YIPF7: variants seen among roughly 807,000 people sequenced by gnomAD.
YIPF7 encodes protein YIPF7.
In YIPF7, 35 loss-of-function variants were observed where a neutral mutation model predicts 27.2. That is an observed-to-expected ratio of 1.29 (90% CI 0.98 to 1.70). YIPF7 has a LOEUF of 1.70. YIPF7 is among the 40% of genes most tolerant of loss of function. YIPF7 has a pLI of 0.00. For missense variants in YIPF7, 358 were observed against 303.7 expected (o/e 1.18, Z -1.33); for synonymous variants, 137 against 110.4 (o/e 1.24, Z -1.51).
At chr4:44,644,143 G>T (rs1450560986) in intron 2 of YIPF7, among the ~76,000 whole-genome samples, 3 of 152,176 alleles carry the variant, frequency 2.0e-5, no homozygotes, top group Non-Finnish European at 4.4e-5. Flanking sequence ...AAGCCACAGG[G>T]TTGATGCTGC....
intron 1 of YIPF7, among the ~76,000 whole-genome samples, chr4:44,661,342 G>A (rs966432106): frequency 6.6e-6 from 1 of 152,130 alleles, no homozygotes; most frequent in Admixed American, 6.5e-5. Context: ...AAACAACAAG[G>A]GTTTTAGAAA....
intron 1 of YIPF7, among the ~76,000 whole-genome samples, chr4:44,661,662 T>C (rs577244898): frequency 8.5e-5 from 13 of 152,318 alleles, no homozygotes; most frequent in African/African-American, 2.9e-4. Context: ...CAGCATAATT[T>C]TTTAATCTTA....
chr4:44,645,576 C>T (rs1307006076), intron 2 of YIPF7, among the ~76,000 whole-genome samples: 1 of 152,172 alleles, frequency 6.6e-6, no homozygotes, highest in Non-Finnish European at 1.5e-5. Context: ...AACTCTTCTC[C>T]TGTATTATGC....
intron 2 of YIPF7, among the ~76,000 whole-genome samples, chr4:44,644,689 C>T (rs1713462639): frequency 6.6e-6 from 1 of 152,060 alleles, no homozygotes; most frequent in Non-Finnish European, 1.5e-5. Context: ...CTTTGGGGAA[C>T]TGTTGGGAAG....
intron 5 of YIPF7, among the ~76,000 whole-genome samples, chr4:44,624,128 C>A (rs546261921): frequency 6.8e-6 from 1 of 147,314 alleles, no homozygotes; most frequent in South Asian, 2.1e-4. Flanking sequence ...TGCAGTGGTG[C>A]GATCTCGGCT....
At chr4:44,648,425 C>T (rs572739817) in intron 2 of YIPF7, among the ~76,000 whole-genome samples, 1 of 152,114 alleles carries the variant, frequency 6.6e-6, no homozygotes, top group Non-Finnish European at 1.5e-5. Flanking sequence ...CCTGTAGTGC[C>T]TAATTCATAT....
At chr4:44,624,896 T>C (rs148043580) in intron 4 of YIPF7, 114 bp from the exon 5 acceptor site, 9 of 941,774 alleles carry the variant, frequency 9.6e-6, no homozygotes, top group Admixed American at 3.1e-5. Context: ...TCCATGTCTT[T>C]GTAGGACTGT....
chr4:44,623,473 T>C (rs564618154), intron 5 of YIPF7, among the ~76,000 whole-genome samples: 1 of 152,332 alleles, frequency 6.6e-6, no homozygotes, highest in Admixed American at 6.5e-5. Context: ...ACTGCCTTAC[T>C]TGATCTTGGT....
chr4:44,648,309 A>T (rs1713598177), intron 2 of YIPF7, among the ~76,000 whole-genome samples: 1 of 152,058 alleles, frequency 6.6e-6, no homozygotes, highest in Admixed American at 6.5e-5. Context: ...GAAAACTAGA[A>T]ATCCGAAATG....
chr4:44,638,823 G>A (rs894038427), intron 2 of YIPF7, among the ~76,000 whole-genome samples: 5 of 152,226 alleles, frequency 3.3e-5, no homozygotes, highest in African/African-American at 1.2e-4. Flanking sequence ...ATAGTTTAAG[G>A]TTTTATGTTT....
chr4:44,639,654 C>G (rs563464769), intron 2 of YIPF7, among the ~76,000 whole-genome samples: 1 of 152,080 alleles, frequency 6.6e-6, no homozygotes, highest in East Asian at 1.9e-4. Flanking sequence ...TCATATCATC[C>G]AATTACCAAT....
upstream of YIPF7, among the ~76,000 whole-genome samples, chr4:44,653,430 A>C (rs894165258): frequency 2.6e-5 from 4 of 152,164 alleles, no homozygotes; most frequent in African/African-American, 9.7e-5. Context: ...CTAGGGTAGC[A>C]GTGGAAGGAG....
At chr4:44,657,339 C>A (rs565639462) in intron 2 of YIPF7, among the ~76,000 whole-genome samples, 1 of 152,144 alleles carries the variant, frequency 6.6e-6, no homozygotes, top group Admixed American at 6.5e-5. Context: ...TTCTGCCTTG[C>A]AGTATTTATG....
intron 2 of YIPF7, among the ~76,000 whole-genome samples, chr4:44,646,680 T>C (rs185328705): frequency 6.6e-6 from 1 of 152,288 alleles, no homozygotes; most frequent in Non-Finnish European, 1.5e-5. Context: ...AGAAAACTTG[T>C]TTTTAAATAT....
upstream of YIPF7, chr4:44,651,786 G>C (rs1266148722): frequency 2.3e-6 from 1 of 442,160 alleles, no homozygotes; most frequent in Non-Finnish European, 4.0e-6. Context: ...CAGTGTTACA[G>C]ACTTACAATT....
chr4:44,646,100 A>C (rs540726378), intron 2 of YIPF7, among the ~76,000 whole-genome samples: 1 of 152,350 alleles, frequency 6.6e-6, no homozygotes, highest in African/African-American at 2.4e-5. Flanking sequence ...ATGTTTAACA[A>C]GAACAGCTCA....
At chr4:44,639,333 G>A (rs1713245968) in intron 2 of YIPF7, among the ~76,000 whole-genome samples, 1 of 152,018 alleles carries the variant, frequency 6.6e-6, no homozygotes, top group Admixed American at 6.6e-5. Flanking sequence ...AGCATGAGAT[G>A]TTTTTCCATT....
rs560494188 is a variant in YIPF7, at chr4:44,623,395, T to C, written c.609-819A>G. On this transcript the variant is annotated intron_variant, in intron 5 of 5. Coordinates refer to ENST00000415895, the MANE Select transcript of YIPF7 (RefSeq NM_182592.3). ...TTAAAGCATAAAGTGATGATAAAAATTGCATGGCAAAGTGGACAATAGGTC... is the reference window on the plus strand; with the variant it reads ...TTAAAGCATAAAGTGATGATAAAAACTGCATGGCAAAGTGGACAATAGGTC... 9.9e-5 allele frequency among the ~76,000 whole-genome samples: 15 copies of C among 152,266 alleles called. 1 individual carries two copies. The highest frequency in any genetic ancestry group is 3.9e-4 in the Admixed American group (6 of 15,298).
chr4:44,632,204 T>C (rs1004257819), intron 3 of YIPF7, among the ~76,000 whole-genome samples: 1 of 152,204 alleles, frequency 6.6e-6, no homozygotes, highest in Admixed American at 6.5e-5. Context: ...AACTATTAAT[T>C]GTAGATACTC....
Sources: gnomAD v4.1 joint callset for allele counts (sites outside exome capture counted in the v4.1 genomes callset) on GRCh38, gnomAD v4.1.1 for gene constraint, MANE v1.5 for transcripts, NCBI Gene and HGNC (gene_info 2026-07-23, HGNC 2026-07-21) for gene names.